The following ENTHD1 variants were observed in gnomAD, a reference collection of about 807,000 sequenced individuals.
ENTHD1 encodes ENTH domain-containing protein 1.
Under a neutral mutation model 39.1 loss-of-function variants are expected in ENTHD1, and 23 were observed. The ratio of observed to expected loss-of-function variants is 0.59; its 90% confidence interval spans 0.42 to 0.83. The LOEUF is 0.83. Among genes scored for constraint, ENTHD1 ranks in the 40% least tolerant of loss-of-function variants. The probability of loss-of-function intolerance (pLI) is 0.00; values close to 1 mark genes in which losing one functional copy is unlikely to be tolerated. For missense variants in ENTHD1, 624 were observed against 705.4 expected (o/e 0.88, Z 1.31); for synonymous variants, 230 against 258.2 (o/e 0.89, Z 1.05).
At chr22:39,791,439 G>C (rs1195241180) in intron 5 of ENTHD1, among the ~76,000 whole-genome samples, 1 of 151,766 alleles carries the variant, frequency 6.6e-6, no homozygotes, top group Non-Finnish European at 1.5e-5. Context: ...CTGTCACCTA[G>C]ACTGGAGTGC....
chr22:39,891,630 T>A (rs772810478), intron 1 of ENTHD1, among the ~76,000 whole-genome samples: 6 of 151,576 alleles, frequency 4.0e-5, no homozygotes, highest in East Asian at 1.9e-4. Context: ...ATTTTATTTT[T>A]TTTTTTGAGA....
At chr22:39,876,488 G>T (rs1477123720) in intron 2 of ENTHD1, among the ~76,000 whole-genome samples, 1 of 150,276 alleles carries the variant, frequency 6.7e-6, no homozygotes, top group Non-Finnish European at 1.5e-5. Flanking sequence ...GTCATTGTTG[G>T]GATGAAGTAA....
rs1218783876 is a variant in ENTHD1, at chr22:39,765,622, A to C, written c.833-13T>G. On this transcript the variant is annotated splice_polypyrimidine_tract_variant and intron_variant, in intron 5 of 6. Transcript: ENST00000325157. ...GTAGGCACAGCATCTATAAAAGAACAAATAAGAGCTATAATCAAAAAATAA... is the reference window on the plus strand; with the variant it reads ...GTAGGCACAGCATCTATAAAAGAACCAATAAGAGCTATAATCAAAAAATAA... 3 of 1,576,674 alleles carry C rather than the reference A, an allele frequency of 1.9e-6. No individual in the cohort carries two copies. In the East Asian group the frequency reaches 6.7e-5, roughly 35 times the overall value.
At chr22:39,843,754 C>T (rs1380026790) in intron 3 of ENTHD1, among the ~76,000 whole-genome samples, 1 of 152,134 alleles carries the variant, frequency 6.6e-6, no homozygotes, top group Non-Finnish European at 1.5e-5. Flanking sequence ...TGGAATGGCT[C>T]TTCACAGTTG....
intron 3 of ENTHD1, among the ~76,000 whole-genome samples, chr22:39,853,485 C>T (rs905824939): frequency 3.3e-5 from 5 of 152,082 alleles, no homozygotes; most frequent in African/African-American, 4.8e-5. Context: ...GAGCTGCAAT[C>T]GTGCCACTGC....
At chr22:39,754,197 T>A (rs943624403) in intron 6 of ENTHD1, among the ~76,000 whole-genome samples, 9 of 152,248 alleles carry the variant, frequency 5.9e-5, no homozygotes, top group African/African-American at 2.2e-4. Flanking sequence ...CATGGTTGTA[T>A]TCTAATAAAA....
chr22:39,841,359 A>T (rs1214309748), intron 3 of ENTHD1, among the ~76,000 whole-genome samples: 1 of 152,206 alleles, frequency 6.6e-6, no homozygotes, highest in Non-Finnish European at 1.5e-5. Flanking sequence ...CTTAGAAACT[A>T]CCAGTGAGTC....
At chr22:39,870,535 G>A (rs1393182650) in intron 2 of ENTHD1, among the ~76,000 whole-genome samples, 1 of 152,226 alleles carries the variant, frequency 6.6e-6, no homozygotes, top group Non-Finnish European at 1.5e-5. Flanking sequence ...GATCTCCAAA[G>A]ACGAAGTAAG....
At chr22:39,848,317 A>AATCTTGG (rs1198770468) in intron 3 of ENTHD1, among the ~76,000 whole-genome samples, 1 of 151,146 alleles carries the variant, frequency 6.6e-6, no homozygotes, top group Non-Finnish European at 1.5e-5. Context: ...GCAGTGGCAC[A>AATCTTGG]ATCTTGGCTC....
At chr22:39,821,187 C>T in intron 4 of ENTHD1, 74 bp from the exon 5 acceptor site, 1 of 1,531,130 alleles carries the variant, frequency 6.5e-7, no homozygotes, top group Non-Finnish European at 8.9e-7. Context: ...TATTGAGCTA[C>T]AAAGTATCTA....
At chr22:39,821,146 G>T in intron 4 of ENTHD1, 33 bp from the exon 5 acceptor site, 3 of 1,605,950 alleles carry the variant, frequency 1.9e-6, no homozygotes, top group Non-Finnish European at 1.7e-6. Context: ...GAGAATTGAA[G>T]AAAAAAATTA....
At chr22:39,748,079 T>A (rs1471073669) in intron 6 of ENTHD1, among the ~76,000 whole-genome samples, 7 of 152,098 alleles carry the variant, frequency 4.6e-5, no homozygotes, top group African/African-American at 1.7e-4. Context: ...CGAAACCCCT[T>A]CTCTACAAGA....
At chr22:39,810,983 A>C (rs893575174) in intron 5 of ENTHD1, among the ~76,000 whole-genome samples, 3 of 152,200 alleles carry the variant, frequency 2.0e-5, no homozygotes, top group Non-Finnish European at 4.4e-5. Flanking sequence ...AGAGCAACAC[A>C]CTGGCTATCA....
intron 5 of ENTHD1, among the ~76,000 whole-genome samples, chr22:39,818,974 G>T (rs985760798): frequency 5.3e-5 from 8 of 152,200 alleles, no homozygotes; most frequent in African/African-American, 1.9e-4. Context: ...ATATCCTTCA[G>T]TAGGTGAATG....
rs113954046 is a variant in ENTHD1, at chr22:39,882,945, A to G, written c.349+4455T>C. Among the ~76,000 whole-genome samples the G allele has an allele frequency of 1.4e-4, 20 of 146,332 alleles. 1 individual carries two copies. The highest frequency in any genetic ancestry group is 4.8e-4 in the African/African-American group (19 of 39,814). ...TTGAACCTGGTGGGGCAGAGGTTGC[A>G]GTGAGCCTAGATAGCGCCACTGCAC... On this transcript the variant is annotated intron_variant, in intron 2 of 6. Transcript: ENST00000325157.
At chr22:39,763,565 A>G (rs1056878163) in intron 6 of ENTHD1, among the ~76,000 whole-genome samples, 2 of 152,122 alleles carry the variant, frequency 1.3e-5, no homozygotes, top group African/African-American at 4.8e-5. Context: ...AGGTGGGGAA[A>G]CTAAGGTGAC....
At chr22:39,798,850 G>A in intron 5 of ENTHD1, among the ~76,000 whole-genome samples, 1 of 152,134 alleles carries the variant, frequency 6.6e-6, no homozygotes, top group African/African-American at 2.4e-5. Context: ...AAAGTGGTAT[G>A]TATTGATGTT....
intron 4 of ENTHD1, among the ~76,000 whole-genome samples, chr22:39,830,314 A>G (rs1221957888): frequency 6.6e-6 from 1 of 152,124 alleles, no homozygotes; most frequent in African/African-American, 2.4e-5. Context: ...ACCTCAAGTG[A>G]TCCGTCCACC....
chr22:39,807,598 G>A (rs1289403136), intron 5 of ENTHD1, among the ~76,000 whole-genome samples: 1 of 152,032 alleles, frequency 6.6e-6, no homozygotes, highest in Non-Finnish European at 1.5e-5. Context: ...CACTCCTCCT[G>A]TTCCTCCCAC....
Sources: gnomAD v4.1 joint callset for allele counts (sites outside exome capture counted in the v4.1 genomes callset) on GRCh38, gnomAD v4.1.1 for gene constraint, MANE v1.5 for transcripts, NCBI Gene and HGNC (gene_info 2026-07-23, HGNC 2026-07-21) for gene names.